The following MBD2 variants were observed in gnomAD, a reference collection of about 807,000 sequenced individuals.
MBD2 encodes the protein methyl-CpG binding domain protein 2.
Under a neutral mutation model 39.3 loss-of-function variants are expected in MBD2, and 9 were observed. The ratio of observed to expected loss-of-function variants is 0.23; its 90% CI spans 0.14 to 0.40. The LOEUF is 0.40. Ranked by LOEUF, MBD2 falls within the 10% of genes least tolerant of loss-of-function variation. MBD2 has a pLI of 1.00. For synonymous variants in MBD2, 233 were observed against 211.1 expected (o/e 1.10, Z -0.90); for missense variants, 458 against 532.6 (o/e 0.86, Z 1.38).
intron 6 of MBD2, among the ~76,000 whole-genome samples, chr18:54,156,208 T>C (rs766976308): frequency 1.3e-5 from 2 of 152,102 alleles, no homozygotes; most frequent in African/African-American, 2.4e-5. Flanking sequence ...ATATATGGGG[T>C]TATTTGAGTA....
intron 3 of MBD2, among the ~76,000 whole-genome samples, chr18:54,172,786 A>G (rs941413993): frequency 6.6e-6 from 1 of 152,228 alleles, no homozygotes; most frequent in African/African-American, 2.4e-5. Context: ...CAATGTTCAA[A>G]CTTGCTTTTT....
intron 3 of MBD2, among the ~76,000 whole-genome samples, chr18:54,188,130 C>T (rs1168861810): frequency 6.6e-6 from 1 of 152,094 alleles, no homozygotes; most frequent in East Asian, 1.9e-4. Flanking sequence ...AGATGTTTCT[C>T]CCTCCACTCC....
intron 2 of MBD2, among the ~76,000 whole-genome samples, chr18:54,193,238 C>T (rs1034681402): frequency 6.6e-6 from 1 of 152,102 alleles, no homozygotes; most frequent in African/African-American, 2.4e-5. Flanking sequence ...CCATCACCGT[C>T]GGAGTTAAAA....
chr18:54,223,927 G>C (rs1277837477), intron 1 of MBD2, 91 bp downstream of exon 1: 1 of 1,111,248 alleles, frequency 9.0e-7, no homozygotes, highest in Non-Finnish European at 1.3e-6. Context: ...CATGCCCCCC[G>C]GGCCCCAGCG....
intron 1 of MBD2, among the ~76,000 whole-genome samples, chr18:54,215,817 C>T (rs7237892): frequency 0.85 from 127,579 of 150,750 alleles, 54,377 homozygotes; most frequent in East Asian, 1. Flanking sequence ...TTGTTTGTTT[C>T]TGAGACAGAG....
At chr18:54,200,285 T>C (rs1251688292) in intron 2 of MBD2, among the ~76,000 whole-genome samples, 1 of 152,254 alleles carries the variant, frequency 6.6e-6, no homozygotes, top group Non-Finnish European at 1.5e-5. Context: ...TTGTAAGCAA[T>C]TTGTAGAATA....
chr18:54,206,143 C>T (rs1260431934), intron 1 of MBD2, among the ~76,000 whole-genome samples: 1 of 152,162 alleles, frequency 6.6e-6, no homozygotes, highest in Non-Finnish European at 1.5e-5. Context: ...ACAATGCTGA[C>T]CTGAGTTTTG....
intron 3 of MBD2, among the ~76,000 whole-genome samples, chr18:54,184,326 T>C (rs766288636): frequency 1.3e-5 from 2 of 152,162 alleles, no homozygotes; most frequent in African/African-American, 2.4e-5. Flanking sequence ...AACCCCATTG[T>C]GCTCTGCGCA....
In MBD2 at chr18:54,224,500, C is replaced by G. The variant is rs1045056201; in HGVS notation, c.60G>C (p.Ala20=). The G allele has an allele frequency of 1.3e-5, 16 of 1,236,246 alleles. No homozygotes were observed. Among genetic ancestry groups the G allele is most frequent in the Non-Finnish European group, 1.6e-5 (16 of 991,572 alleles). 76.6% of individuals were successfully genotyped at this position (1,236,246 alleles called of 1,614,324 possible). The change falls in exon 1 of 7, where the codon GCG becomes GCC. Residue 20 remains alanine, a synonymous_variant. Transcript: ENST00000256429. ...CGCCGCCAGCGCCGCTGCCGCCCGC[C>G]GCACTCTCCCCCTCCTCCTGCTCCG... The part of the protein sequence containing the change: ...CCPEQEEGES[A]AGGSGAGGDS...
At chr18:54,202,984 GA>G in intron 2 of MBD2, 1 of 997,016 alleles carries the variant, frequency 1.0e-6, no homozygotes. Flanking sequence ...GGATGAGTAG[GA>G]GTTCACCAGA....
At chr18:54,203,704 C>T (rs573285552) in intron 2 of MBD2, among the ~76,000 whole-genome samples, 1 of 152,230 alleles carries the variant, frequency 6.6e-6, no homozygotes, top group Admixed American at 6.5e-5. Flanking sequence ...AGCAGAGACC[C>T]CATGCCCCTC....
chr18:54,204,960 C>T lies in MBD2; in HGVS notation c.702+38G>A, dbSNP rs35040517. The stretch of plus-strand genomic sequence containing the variant: ...TGTGAGATACTTTTTGAAGAGCTTT[C>T]GAAGTAGCATATACATGCGATAAGT... On this transcript the variant is annotated intron_variant, in intron 2 of 6. Coordinates refer to ENST00000256429, the MANE Select transcript of MBD2 (RefSeq NM_003927.5). 1,468 of 1,579,636 alleles carry T rather than the reference C, an allele frequency of 9.3e-4. 7 individuals are homozygous for T. The African/African-American group carries it at 0.018, about 19-fold the overall frequency.
At chr18:54,173,302 G>A (rs2086190805) in intron 3 of MBD2, among the ~76,000 whole-genome samples, 1 of 151,988 alleles carries the variant, frequency 6.6e-6, no homozygotes, top group South Asian at 2.1e-4. Context: ...AAAATGTGAG[G>A]CCTCTTGTTA....
intron 6 of MBD2, among the ~76,000 whole-genome samples, chr18:54,158,795 T>A (rs1410913953): frequency 3.3e-5 from 5 of 152,100 alleles, no homozygotes; most frequent in Non-Finnish European, 7.4e-5. Context: ...GCCCAGCTAA[T>A]TTTTATATTT....
At chr18:54,204,967 G>C in intron 2 of MBD2, 31 bp downstream of exon 2, 1 of 1,599,644 alleles carries the variant, frequency 6.3e-7, no homozygotes, top group Non-Finnish European at 8.5e-7. Context: ...TTTCGAAGTA[G>C]CATATACATG....
intron 1 of MBD2, among the ~76,000 whole-genome samples, chr18:54,209,240 T>A (rs1379603229): frequency 7.3e-6 from 1 of 136,392 alleles, no homozygotes; most frequent in Non-Finnish European, 1.5e-5. Flanking sequence ...GAGGTTGCAG[T>A]GAGCTGAGAT....
chr18:54,224,637 G>C lies in MBD2; in HGVS notation c.-78C>G. 9.5e-7 allele frequency: 1 copy of C among 1,049,942 alleles called. No individual in the cohort carries two copies. The allele number at this position is 1,049,942 out of a possible 1,614,324, so 65.0% of individuals were successfully genotyped here. On this transcript the variant is annotated 5_prime_UTR_variant, in exon 1 of 7. Transcript: ENST00000256429. ...ATCCCGGAGACCCGCCCCGCCCGCAGCGCGGCGCGCGGGGGACGCGCGCAA... is the reference window on the plus strand; with the variant it reads ...ATCCCGGAGACCCGCCCCGCCCGCACCGCGGCGCGCGGGGGACGCGCGCAA...
intron 2 of MBD2, among the ~76,000 whole-genome samples, chr18:54,200,047 A>T (rs1351777256): frequency 6.6e-6 from 1 of 152,224 alleles, no homozygotes; most frequent in East Asian, 1.9e-4. Context: ...GTGTATTTAT[A>T]CTCACAAAAA....
chr18:54,183,318 G>C (rs1413232062), intron 3 of MBD2, among the ~76,000 whole-genome samples: 1 of 152,170 alleles, frequency 6.6e-6, no homozygotes, highest in African/African-American at 2.4e-5. Flanking sequence ...ACATATGGAT[G>C]ATAACTGAAG....
Sources: gnomAD v4.1 joint callset for allele counts (sites outside exome capture counted in the v4.1 genomes callset) on GRCh38, gnomAD v4.1.1 for gene constraint, MANE v1.5 for transcripts, NCBI Gene and HGNC (gene_info 2026-07-23, HGNC 2026-07-21) for gene names.